The following CDH12 variants were observed in gnomAD, a reference collection of about 807,000 sequenced individuals.
CDH12 encodes the protein cadherin-12.
A neutral mutation model predicts 74.1 loss-of-function variants in CDH12; 41 were observed. The observed-to-expected ratio is 0.55, with a 90% CI of 0.43 to 0.72. The LOEUF (loss-of-function observed/expected upper bound fraction) is 0.72, where lower values mean the gene tolerates loss of function less well. CDH12 is among the 30% of genes least tolerant of loss of function. CDH12 has a pLI of 0.00. For synonymous variants in CDH12, 399 were observed against 355.0 expected, an observed-to-expected ratio of 1.12 and a Z score of -1.39; for missense variants, 945 against 977.2, an observed-to-expected ratio of 0.97 and a Z score of 0.44.
intron 1 of CDH12, among the ~76,000 whole-genome samples, chr5:22,828,735 T>G (rs1056583372): frequency 3.9e-5 from 6 of 152,166 alleles, no homozygotes; most frequent in Non-Finnish European, 8.8e-5. Context: ...AATCAATGGC[T>G]TCTCCAAGTA....
At chr5:22,272,709 G>A (rs560963990) in intron 3 of CDH12, among the ~76,000 whole-genome samples, 1 of 152,228 alleles carries the variant, frequency 6.6e-6, no homozygotes, top group South Asian at 2.1e-4. Context: ...CAAGGAAAAG[G>A]AGTGAGATAG....
intron 2 of CDH12, among the ~76,000 whole-genome samples, chr5:22,445,924 ATTTAAGCCTCTTGGCATTTCATGGTACAC>A (rs1383895560): frequency 6.6e-5 from 10 of 152,136 alleles, no homozygotes; most frequent in African/African-American, 2.2e-4. Flanking sequence ...TATAATTAAT[ATTTAAGCCTCTTGGCATTTCATGGTACAC>A]TTCTAGCATC....
chr5:22,207,772 T>A (rs563534690), intron 4 of CDH12, among the ~76,000 whole-genome samples: 1 of 152,318 alleles, frequency 6.6e-6, no homozygotes, highest in African/African-American at 2.4e-5. Context: ...ATTCAAAATG[T>A]ACTTATATAA....
At chr5:22,502,120 G>T (rs1374863438) in intron 2 of CDH12, among the ~76,000 whole-genome samples, 1 of 152,100 alleles carries the variant, frequency 6.6e-6, no homozygotes, top group Non-Finnish European at 1.5e-5. Flanking sequence ...GGTTTGGCTT[G>T]TGTCCCCATC....
intron 4 of CDH12, among the ~76,000 whole-genome samples, chr5:22,194,308 C>CTTTCT (rs1750488352): frequency 1.4e-5 from 2 of 139,876 alleles, no homozygotes; most frequent in East Asian, 4.4e-4. Flanking sequence ...CTTTTTCTTT[C>CTTTCT]TTTTTTTTTT....
chr5:22,328,086 GA>G lies in CDH12; in HGVS notation c.-333+77170del, dbSNP rs774207516. On this transcript the variant is annotated intron_variant, in intron 3 of 14. Coordinates refer to ENST00000382254, the MANE Select transcript of CDH12 (RefSeq NM_004061.5). ...AGGCAAGGATTAGGCAGAAAAAAGA[GA>G]AAAAACTTCACTAGAGCTTCTATCT... 2.8e-4 allele frequency among the ~76,000 whole-genome samples: 42 copies of G among 152,222 alleles called. No homozygotes were observed. In the East Asian group the frequency reaches 8.1e-3, roughly 29 times the overall value.
intron 1 of CDH12, among the ~76,000 whole-genome samples, chr5:22,601,146 A>C (rs1736836904): frequency 6.6e-6 from 1 of 152,176 alleles, no homozygotes; most frequent in Admixed American, 6.6e-5. Context: ...AACCAACATA[A>C]ATTTTATTTA....
At chr5:22,355,878 A>G (rs553760393) in intron 3 of CDH12, among the ~76,000 whole-genome samples, 2 of 152,302 alleles carry the variant, frequency 1.3e-5, no homozygotes, top group African/African-American at 2.4e-5. Context: ...ACTAAACAAT[A>G]GGGGTTGGGA....
intron 6 of CDH12, among the ~76,000 whole-genome samples, chr5:21,937,518 T>C (rs1434215375): frequency 2.6e-5 from 4 of 152,118 alleles, no homozygotes; most frequent in African/African-American, 4.8e-5. Flanking sequence ...TTCAATTGGA[T>C]GAAGTTTTCA....
chr5:22,352,340 T>TC (rs1405575631), intron 3 of CDH12, among the ~76,000 whole-genome samples: 1 of 152,180 alleles, frequency 6.6e-6, no homozygotes, highest in Admixed American at 6.5e-5. Flanking sequence ...ACCTTTTTTT[T>TC]CTTCTGATCT....
intron 3 of CDH12, among the ~76,000 whole-genome samples, chr5:22,292,180 A>C (rs1044849348): frequency 6.6e-6 from 1 of 152,140 alleles, no homozygotes; most frequent in African/African-American, 2.4e-5. Context: ...CTTATCTCAT[A>C]CTGTATGCAA....
At chr5:22,067,382 C>T (rs1741637276) in intron 5 of CDH12, among the ~76,000 whole-genome samples, 1 of 152,188 alleles carries the variant, frequency 6.6e-6, no homozygotes, top group Non-Finnish European at 1.5e-5. Context: ...GTCCCTCCTA[C>T]AACCTCAGAA....
intron 4 of CDH12, among the ~76,000 whole-genome samples, chr5:22,135,190 A>C (rs1447988301): frequency 6.0e-5 from 9 of 149,956 alleles, no homozygotes; most frequent in African/African-American, 2.0e-4. Flanking sequence ...ATTCACATTA[A>C]AGAGGCTGAA....
At chr5:21,863,462 G>A (rs1751161719) in intron 6 of CDH12, among the ~76,000 whole-genome samples, 1 of 151,982 alleles carries the variant, frequency 6.6e-6, no homozygotes, top group Admixed American at 6.6e-5. Flanking sequence ...TACACCAACA[G>A]CCTTATCATA....
chr5:22,000,326 C>T (rs1736531907), intron 5 of CDH12, among the ~76,000 whole-genome samples: 1 of 152,036 alleles, frequency 6.6e-6, no homozygotes, highest in South Asian at 2.1e-4. Flanking sequence ...CAGCCTGAGC[C>T]AATATCTATG....
chr5:22,148,712 T>C (rs571990552), intron 4 of CDH12, among the ~76,000 whole-genome samples: 2 of 152,182 alleles, frequency 1.3e-5, no homozygotes, highest in Non-Finnish European at 2.9e-5. Context: ...CATTCCTTGA[T>C]TTCTTGATTA....
chr5:21,960,315 T>C (rs1351408397), intron 6 of CDH12, among the ~76,000 whole-genome samples: 1 of 152,158 alleles, frequency 6.6e-6, no homozygotes, highest in Non-Finnish European at 1.5e-5. Context: ...TATGTAAGTC[T>C]TTTGAAAGTG....
At chr5:22,080,821 C>T (rs1742673519) in intron 4 of CDH12, among the ~76,000 whole-genome samples, 1 of 151,686 alleles carries the variant, frequency 6.6e-6, no homozygotes, top group African/African-American at 2.4e-5. Flanking sequence ...GCTGTGTCTC[C>T]CAGGCTGGAG....
chr5:22,669,524 C>A (rs1372849043), intron 1 of CDH12, among the ~76,000 whole-genome samples: 2 of 152,164 alleles, frequency 1.3e-5, no homozygotes, highest in African/African-American at 2.4e-5. Context: ...GCTTTTCTTG[C>A]AACTAAAGGT....
Sources: gnomAD v4.1 joint callset for allele counts (sites outside exome capture counted in the v4.1 genomes callset) on GRCh38, gnomAD v4.1.1 for gene constraint, MANE v1.5 for transcripts, NCBI Gene and HGNC (gene_info 2026-07-23, HGNC 2026-07-21) for gene names.